Variants in DAB2IP observed in about 807,000 individuals in gnomAD.
DAB2IP encodes disabled homolog 2-interacting protein.
Under a neutral mutation model 107.2 loss-of-function variants are expected in DAB2IP, and 28 were observed. The ratio of observed to expected loss-of-function variants is 0.26; its 90% CI spans 0.19 to 0.36. DAB2IP has a LOEUF of 0.36. Among genes scored for constraint, DAB2IP ranks in the 10% least tolerant of loss-of-function variants. The pLI is 1.00. For synonymous variants in DAB2IP, 755 were observed against 706.4 expected, an observed-to-expected ratio of 1.07 and a Z score of -1.09; for missense variants, 1,400 against 1,644.7, an observed-to-expected ratio of 0.85 and a Z score of 2.57.
At position 121,760,505 on chromosome 9, in the gene DAB2IP, C is replaced by G; in HGVS notation, c.1170+66C>G. The G allele has an allele frequency of 6.8e-7, 1 of 1,476,184 alleles. No individual in the cohort carries two copies. The highest frequency in any genetic ancestry group is 1.4e-5 in the South Asian group (1 of 72,432). The allele number at this position is 1,476,184 out of a possible 1,614,324, so 91.4% of individuals were successfully genotyped here. ...CAGCACTGGGTTACCTGCCCTTCCT[C>G]ACATCCGTACATTTCAGGCCTAACA... On this transcript the variant is annotated intron_variant, in intron 6 of 15. Transcript: ENST00000408936. The surrounding 1 kb of genome is among the most constrained non-coding windows in gnomAD (Gnocchi z 5.9).
At chr9:121,656,206 C>T (rs145263472) in intron 1 of DAB2IP, among the ~76,000 whole-genome samples, 2,438 of 152,228 alleles carry the variant, frequency 0.016, 75 homozygotes, top group African/African-American at 0.056. Flanking sequence ...CGGGGTTTCT[C>T]CATGTTGGTC....
intron 3 of DAB2IP, among the ~76,000 whole-genome samples, chr9:121,714,505 C>T (rs539320561): frequency 1.3e-5 from 2 of 152,130 alleles, no homozygotes; most frequent in East Asian, 3.9e-4. Flanking sequence ...GGCGGGGCAC[C>T]GATTCAAATA....
chr9:121,677,132 A>G (rs547051257), intron 1 of DAB2IP, among the ~76,000 whole-genome samples: 85 of 152,252 alleles, frequency 5.6e-4, no homozygotes, highest in Non-Finnish European at 1.1e-3. Context: ...CTGCTTTCCT[A>G]GATTCTGGAT....
intron 3 of DAB2IP, among the ~76,000 whole-genome samples, chr9:121,709,387 C>T (rs1421164895): frequency 6.6e-6 from 1 of 152,184 alleles, no homozygotes; most frequent in African/African-American, 2.4e-5. Context: ...ACCCACTGCC[C>T]GTGAGTGGCC....
chr9:121,615,889 G>T lies in DAB2IP; in HGVS notation c.40+48661G>T, dbSNP rs566836906. The stretch of plus-strand genomic sequence containing the variant: ...GATCCACCTCCCTTGGCCTCCCAAA[G>T]TGCTGGGATTACAGGTGTGAGCCAC... On this transcript the variant is annotated intron_variant, in intron 1 of 16. Coordinates refer to the DAB2IP transcript ENST00000259371. Among the ~76,000 whole-genome samples, 2 of 152,268 alleles carry T rather than the reference G, an allele frequency of 1.3e-5. 1 individual carries two copies. Among genetic ancestry groups the T allele is most frequent in the South Asian group, 4.1e-4 (2 of 4,822 alleles).
At chr9:121,595,967 G>A (rs568369239) in intron 1 of DAB2IP, among the ~76,000 whole-genome samples, 42 of 152,124 alleles carry the variant, frequency 2.8e-4, no homozygotes, top group Non-Finnish European at 3.1e-4. Flanking sequence ...CGGGAGGATC[G>A]CTTGAGTCCA....
intron 1 of DAB2IP, among the ~76,000 whole-genome samples, chr9:121,593,480 C>A (rs1830456249): frequency 6.6e-6 from 1 of 152,058 alleles, no homozygotes. Context: ...CCATGTTGCC[C>A]AGGCTGGTCT....
chr9:121,712,695 G>A (rs1207391987), intron 3 of DAB2IP, among the ~76,000 whole-genome samples: 1 of 152,192 alleles, frequency 6.6e-6, no homozygotes, highest in Non-Finnish European at 1.5e-5. Context: ...GCCACGCCAT[G>A]AGTACTCTTG....
chr9:121,664,506 G>C (rs1833338112), intron 1 of DAB2IP, among the ~76,000 whole-genome samples: 6 of 152,184 alleles, frequency 3.9e-5, no homozygotes, highest in Admixed American at 3.3e-4. Context: ...AAGCAATACT[G>C]AGTTTTCCAA....
intron 1 of DAB2IP, among the ~76,000 whole-genome samples, chr9:121,573,862 C>G (rs1830002984): frequency 6.6e-6 from 1 of 152,124 alleles, no homozygotes; most frequent in Non-Finnish European, 1.5e-5. Flanking sequence ...TGCTGCAGTC[C>G]TGAAAGCCAT....
At chr9:121,753,901 C>T (rs1833301206) in intron 3 of DAB2IP, among the ~76,000 whole-genome samples, 1 of 152,204 alleles carries the variant, frequency 6.6e-6, no homozygotes, top group Non-Finnish European at 1.5e-5. Context: ...ATCTTCTGCC[C>T]TGCCTCTAAT....
intron 1 of DAB2IP, among the ~76,000 whole-genome samples, chr9:121,667,374 GCCCCTCCCTCGGGGAGCA>G (rs1833486315): frequency 6.6e-6 from 1 of 151,890 alleles, no homozygotes; most frequent in Non-Finnish European, 1.5e-5. Context: ...AGTTCACCTG[GCCCCTCCCTCGGGGAGCA>G]CTAGCCAGTT....
chr9:121,772,661 T>C lies in DAB2IP; in HGVS notation c.2133T>C (p.Phe711=), dbSNP rs1452867213. 1.9e-6 allele frequency: 3 copies of C among 1,614,064 alleles called. No individual in the cohort carries two copies. Among genetic ancestry groups the C allele is most frequent in the African/African-American group, 1.3e-5 (1 of 75,058 alleles). ...CAACCCCCGAAAACAAGGACTTGTT[T>C]TTTGTCACAAGGTCCTCCGGGGTCC... The change falls in exon 12 of 16, where the codon TTT becomes TTC. Residue 711 remains phenylalanine, a synonymous_variant. Transcript: ENST00000408936. The surrounding 1 kb of genome is among the most constrained non-coding windows in gnomAD (Gnocchi z 4.7).
chr9:121,602,308 T>A (rs991876057), intron 1 of DAB2IP, among the ~76,000 whole-genome samples: 7 of 152,156 alleles, frequency 4.6e-5, no homozygotes, highest in Non-Finnish European at 8.8e-5. Context: ...CACAAGTGGA[T>A]GTACTTGCGG....
intron 1 of DAB2IP, among the ~76,000 whole-genome samples, chr9:121,576,843 C>T (rs990716387): frequency 3.9e-5 from 6 of 152,084 alleles, no homozygotes; most frequent in Non-Finnish European, 5.9e-5. Flanking sequence ...AAGTTGGTGA[C>T]GGTCACCTTT....
chr9:121,680,466 C>T lies in DAB2IP; in HGVS notation c.228+1685C>T, dbSNP rs559065304. ...GCGCTGAGACGATTCAGGGTCATGG[C>T]CCTGAGTTTGGCCAGGGGGTCTCAG... On this transcript the variant is annotated intron_variant, in intron 2 of 15. Transcript: ENST00000408936. Among the ~76,000 whole-genome samples the T allele has an allele frequency of 7.2e-5, 11 of 152,220 alleles. No homozygotes were observed. The South Asian group carries it at 2.1e-3, about 29-fold the overall frequency.
chr9:121,702,655 G>A lies in DAB2IP; in HGVS notation c.362+3197G>A, dbSNP rs1442431860. Among the ~76,000 whole-genome samples the A allele has an allele frequency of 6.6e-6, 1 of 152,180 alleles. No homozygotes were observed. Among genetic ancestry groups the A allele is most frequent in the Non-Finnish European group, 1.5e-5 (1 of 68,038 alleles). ...CATTTTGCACACTGGAAATGCTGCT[G>A]CTTCATTTACAGGGCTGTTTTAATG... On this transcript the variant is annotated intron_variant, in intron 3 of 15. Coordinates refer to ENST00000408936, the Ensembl canonical transcript of DAB2IP. This position sits in a 1 kb window ranked among gnomAD's most constrained non-coding sequence, Gnocchi z 4.5.
At chr9:121,608,843 C>T (rs946312912) in intron 1 of DAB2IP, among the ~76,000 whole-genome samples, 2 of 152,242 alleles carry the variant, frequency 1.3e-5, no homozygotes, top group Non-Finnish European at 2.9e-5. Flanking sequence ...AGGGGGAGCA[C>T]CCCGTTTTCT....
intron 1 of DAB2IP, among the ~76,000 whole-genome samples, 170 bp from the exon 2 acceptor site, chr9:121,678,508 T>A (rs1828395044): frequency 6.6e-6 from 1 of 152,276 alleles, no homozygotes; most frequent in African/African-American, 2.4e-5. Flanking sequence ...GGTCATGTGG[T>A]ACTTGTATTT....
Sources: allele counts gnomAD v4.1 joint callset (sites outside exome capture counted in the v4.1 genomes callset), GRCh38; gene constraint gnomAD v4.1.1; non-coding constraint Gnocchi (gnomAD v3.1); transcripts MANE v1.5; gene names NCBI Gene and HGNC (gene_info 2026-07-23, HGNC 2026-07-21).